The following CTDSPL2 variants were observed in gnomAD, a reference collection of about 807,000 sequenced individuals.
The protein encoded by CTDSPL2 is CTD small phosphatase-like protein 2.
A neutral mutation model predicts 60.0 loss-of-function variants in CTDSPL2; 5 were observed. The ratio of observed to expected loss-of-function variants is 0.08; its 90% confidence interval spans 0.04 to 0.18. CTDSPL2 has a LOEUF of 0.18. Among genes scored for constraint, CTDSPL2 ranks in the 10% least tolerant of loss-of-function variants. The pLI, the probability that CTDSPL2 is intolerant of heterozygous loss-of-function variation, is 1.00. For synonymous variants in CTDSPL2, 186 were observed against 189.3 expected, an observed-to-expected ratio of 0.98 and a Z score of 0.14; for missense variants, 370 against 548.8, an observed-to-expected ratio of 0.67 and a Z score of 3.26.
At chr15:44,449,339 GACTTTCCTT>G in intron 1 of CTDSPL2, 1 of 161,996 alleles carries the variant, frequency 6.2e-6, no homozygotes. Context: ...CACATCCCCT[GACTTTCCTT>G]CAGTGCCTGT....
intron 8 of CTDSPL2, among the ~76,000 whole-genome samples, chr15:44,508,088 C>CT (rs796747250): frequency 1.2e-3 from 177 of 141,768 alleles, no homozygotes; most frequent in African/African-American, 1.5e-3. Flanking sequence ...CTTTTTTTTT[C>CT]TTTTTTTTTT....
chr15:44,504,825 G>A (rs2081433669), intron 8 of CTDSPL2, among the ~76,000 whole-genome samples: 1 of 152,052 alleles, frequency 6.6e-6, no homozygotes, highest in Admixed American at 6.6e-5. Context: ...ACCATTTCAG[G>A]GTCATAGTTG....
At chr15:44,499,663 A>G in intron 7 of CTDSPL2, 64 bp from the exon 8 acceptor site, 1 of 942,144 alleles carries the variant, frequency 1.1e-6, no homozygotes, top group Non-Finnish European at 1.7e-6. Flanking sequence ...GATTAAGGAT[A>G]AAAGTATCCT....
chr15:44,512,132 G>A (rs1429129634), intron 8 of CTDSPL2, among the ~76,000 whole-genome samples: 4 of 151,832 alleles, frequency 2.6e-5, no homozygotes, highest in African/African-American at 7.3e-5. Flanking sequence ...GGGAGGTCGA[G>A]GCTGCAGTGG....
intron 8 of CTDSPL2, among the ~76,000 whole-genome samples, chr15:44,513,286 C>T (rs1356559022): frequency 3.3e-5 from 5 of 151,738 alleles, no homozygotes; most frequent in African/African-American, 4.8e-5. Flanking sequence ...CCCAACATGG[C>T]GAAACCCCGT....
intron 8 of CTDSPL2, among the ~76,000 whole-genome samples, chr15:44,508,136 A>G (rs576555319): frequency 1.3e-5 from 2 of 150,992 alleles, no homozygotes; most frequent in Non-Finnish European, 2.9e-5. Flanking sequence ...AGGCTAGAGT[A>G]CAGTGACATG....
intron 2 of CTDSPL2, among the ~76,000 whole-genome samples, chr15:44,479,088 AAAC>A (rs2140767792): frequency 6.6e-6 from 1 of 152,224 alleles, no homozygotes; most frequent in South Asian, 2.1e-4. Context: ...AAAAAAAAAA[AAAC>A]AAGTTTTCTC....
Position 44,490,722 on chromosome 15 carries a change from A to G in CTDSPL2, c.476-62A>G, listed in dbSNP as rs1363432265. ...TAAATATATTGTACGGTGATGCTGC[A>G]TTTAGTTTTTCTAAATAGGTGCATT... On this transcript the variant is annotated intron_variant, in intron 4 of 12. Transcript: ENST00000260327. 3.0e-5 allele frequency: 37 copies of G among 1,225,130 alleles called. No individual in the cohort carries two copies. In the East Asian group the frequency reaches 6.7e-4, roughly 22 times the overall value. 75.9% of individuals were successfully genotyped at this position (1,225,130 alleles called of 1,614,324 possible).
At position 44,490,992 on chromosome 15, in the gene CTDSPL2, C is replaced by T. The variant is rs1361376073; in HGVS notation, c.684C>T (p.Pro228=). 1.2e-6 allele frequency: 2 copies of T among 1,610,648 alleles called. No individual in the cohort carries two copies. The highest frequency in any genetic ancestry group is 1.7e-6 in the Non-Finnish European group (2 of 1,178,212). ...AEETVNRDIP[P]LTAPVTPDSG... ...AAACAGTTAATCGTGATATCCCACC[C>T]CTTACAGGTGAAGAAAATTTCTTTT... Residue 228 remains proline, a synonymous_variant, in exon 5 of 13, where the codon CCC becomes CCT. Transcript: ENST00000260327.
At chr15:44,491,080 G>A in intron 5 of CTDSPL2, 81 bp downstream of exon 5, 2 of 1,061,178 alleles carry the variant, frequency 1.9e-6, no homozygotes, top group Non-Finnish European at 2.8e-6. Flanking sequence ...TCTTAAATGA[G>A]CACATTATAT....
At position 44,461,573 on chromosome 15, in the gene CTDSPL2, CTTTTTTT is replaced by C. The variant is rs35540014; in HGVS notation, c.186+2391_186+2397del. On this transcript the variant is annotated intron_variant, in intron 2 of 12. Coordinates refer to ENST00000260327, the MANE Select transcript of CTDSPL2 (RefSeq NM_016396.3). Reference sequence around the variant, plus strand: ...CCAGCTATTTTTAAAGTTTCTCTCCCTTTTTTTTTTTTTTTTTTTTTTTTAAAGAGAT... The same window carrying C: ...CCAGCTATTTTTAAAGTTTCTCTCCCTTTTTTTTTTTTTTTTTAAAGAGAT... 7.0e-4 allele frequency among the ~76,000 whole-genome samples: 88 copies of C among 125,658 alleles called. 1 individual carries two copies. Among genetic ancestry groups the C allele is most frequent in the Non-Finnish European group, 3.2e-4 (19 of 59,974 alleles). 82.4% of individuals were successfully genotyped at this position (125,658 alleles called of 152,430 possible). A position where few individuals can be genotyped will look rare whatever the true frequency, so the allele number is the denominator to read the frequency against.
chr15:44,454,086 T>C (rs933382917), intron 1 of CTDSPL2, among the ~76,000 whole-genome samples: 63 of 152,334 alleles, frequency 4.1e-4, no homozygotes, highest in African/African-American at 1.4e-3. Context: ...CTCCAGCACC[T>C]GTTGTTTCCT....
chr15:44,449,973 A>G (rs944213738), intron 1 of CTDSPL2, among the ~76,000 whole-genome samples: 2 of 145,896 alleles, frequency 1.4e-5, no homozygotes, highest in Admixed American at 1.4e-4. Context: ...CCTGGGTGAC[A>G]GAGCGAGTCT....
chr15:44,442,571 A>AG (rs1250066301), intron 1 of CTDSPL2, among the ~76,000 whole-genome samples: 1 of 152,128 alleles, frequency 6.6e-6, no homozygotes, highest in African/African-American at 2.4e-5. Flanking sequence ...TTTAAAAGTA[A>AG]GTAAATATTA....
Position 44,528,526 on chromosome 15 carries a change from T to C in CTDSPL2, c.*4352T>C, listed in dbSNP as rs1386420313. The stretch of plus-strand genomic sequence containing the variant: ...TGGTAGAGTTTTTTTTTTTTTAAAC[T>C]GGGACCAGATTTCACAGAGCTTATT... On this transcript the variant is annotated 3_prime_UTR_variant, in exon 13 of 13. Coordinates refer to ENST00000260327, the MANE Select transcript of CTDSPL2 (RefSeq NM_016396.3). 1 of 151,732 alleles carries C rather than the reference T, an allele frequency of 6.6e-6. No homozygotes were observed. The highest frequency in any genetic ancestry group is 1.5e-5 in the Non-Finnish European group (1 of 67,940). The allele number at this position is 151,732 out of a possible 1,614,324, so 9.4% of individuals were successfully genotyped here.
At chr15:44,481,952 C>T (rs1037097731) in intron 2 of CTDSPL2, among the ~76,000 whole-genome samples, 2 of 152,238 alleles carry the variant, frequency 1.3e-5, no homozygotes, top group African/African-American at 2.4e-5. Context: ...CTAGCAGGGA[C>T]TCTTCACATG....
intron 2 of CTDSPL2, among the ~76,000 whole-genome samples, chr15:44,479,493 A>T (rs796475943): frequency 4.7e-5 from 7 of 147,664 alleles, no homozygotes; most frequent in African/African-American, 1.8e-4. Context: ...TGCAGTCTCA[A>T]ACTCCTGTGC....
At chr15:44,503,669 C>T (rs1227021797) in intron 8 of CTDSPL2, 1 of 152,190 alleles carries the variant, frequency 6.6e-6, no homozygotes, top group Non-Finnish European at 1.5e-5. Flanking sequence ...GAAGATACCT[C>T]ATATGTTTCA....
At chr15:44,507,147 C>T (rs1455117579) in intron 8 of CTDSPL2, among the ~76,000 whole-genome samples, 12 of 151,768 alleles carry the variant, frequency 7.9e-5, no homozygotes, top group Non-Finnish European at 1.8e-4. Context: ...TATGGTGGCA[C>T]CATCTCAGCT....
Sources: allele counts gnomAD v4.1 joint callset (sites outside exome capture counted in the v4.1 genomes callset), GRCh38; gene constraint gnomAD v4.1.1; transcripts MANE v1.5; gene names NCBI Gene and HGNC (gene_info 2026-07-23, HGNC 2026-07-21).